Variants in GABRG3 observed in about 807,000 individuals in gnomAD.
GABRG3 encodes the protein gamma-aminobutyric acid type A receptor subunit gamma3, also known as gamma-aminobutyric acid receptor subunit gamma-3.
A neutral mutation model predicts 48.8 loss-of-function variants in GABRG3; 25 were observed. The ratio of observed to expected loss-of-function variants is 0.51; its 90% CI spans 0.37 to 0.72. GABRG3 has a LOEUF of 0.72. Among genes scored for constraint, GABRG3 ranks in the 30% least tolerant of loss-of-function variants. GABRG3 has a pLI of 0.00. For missense variants in GABRG3, 394 were observed against 577.9 expected (o/e 0.68, Z 3.26); for synonymous variants, 227 against 217.6 (o/e 1.04, Z -0.38).
At chr15:27,177,089 G>A (rs1349651963) in intron 3 of GABRG3, among the ~76,000 whole-genome samples, 1 of 152,104 alleles carries the variant, frequency 6.6e-6, no homozygotes, top group African/African-American at 2.4e-5. Context: ...AGGATAACTT[G>A]ATGTGCAGGG....
chr15:27,054,367 AAACATATCCAGGG>A (rs1896505779), intron 3 of GABRG3, among the ~76,000 whole-genome samples: 2 of 152,188 alleles, frequency 1.3e-5, no homozygotes, highest in South Asian at 4.1e-4. Context: ...CAGCATCACG[AAACATATCCAGGG>A]AACAAACCTG....
intron 3 of GABRG3, among the ~76,000 whole-genome samples, chr15:27,205,390 TCC>T (rs1888819530): frequency 6.6e-6 from 1 of 152,196 alleles, no homozygotes; most frequent in Non-Finnish European, 1.5e-5. Context: ...CAATGTTGCA[TCC>T]CAGGAATAAA....
chr15:27,484,807 T>G (rs1890181865), intron 6 of GABRG3, among the ~76,000 whole-genome samples: 1 of 152,092 alleles, frequency 6.6e-6, no homozygotes, highest in South Asian at 2.1e-4. Flanking sequence ...ATCACAATGG[T>G]CAAAGCTAAA....
intron 3 of GABRG3, among the ~76,000 whole-genome samples, chr15:27,178,280 GT>G (rs979333403): frequency 1.5e-4 from 23 of 152,360 alleles, no homozygotes; most frequent in African/African-American, 4.6e-4. Flanking sequence ...TGTCTGACTA[GT>G]TTTTGCAGTT....
chr15:27,484,159 C>G (rs1890165327), intron 6 of GABRG3, among the ~76,000 whole-genome samples: 1 of 152,200 alleles, frequency 6.6e-6, no homozygotes, highest in Admixed American at 6.5e-5. Flanking sequence ...TGGTCTCGAA[C>G]TCCTGACCTC....
At position 27,533,990 on chromosome 15, in the gene GABRG3, A is replaced by G. The variant is rs1057118454; in HGVS notation, c.*1109A>G. ...GTGGCTGGGACTACAGGTGTGCGCT[A>G]CCACACCCGGCTAATTTTTGTATTT... On this transcript the variant is annotated 3_prime_UTR_variant, in exon 10 of 10. Transcript: ENST00000615808. The G allele has an allele frequency of 3.9e-5, 6 of 152,012 alleles. No homozygotes were observed. Among genetic ancestry groups the G allele is most frequent in the African/African-American group, 1.5e-4 (6 of 41,368 alleles). 9.4% of individuals were successfully genotyped at this position (152,012 alleles called of 1,614,324 possible).
At chr15:27,393,276 G>A (rs899273274) in intron 5 of GABRG3, among the ~76,000 whole-genome samples, 5 of 151,454 alleles carry the variant, frequency 3.3e-5, no homozygotes, top group Middle Eastern at 3.4e-3. Context: ...CCCGGGAGGT[G>A]GAGCTTGCAG....
intron 3 of GABRG3, among the ~76,000 whole-genome samples, chr15:27,169,548 T>C (rs780139723): frequency 9.2e-5 from 14 of 152,080 alleles, no homozygotes; most frequent in Non-Finnish European, 1.6e-4. Context: ...GTGATGGGGA[T>C]GTGATCAAAA....
chr15:27,206,612 T>A (rs1888859621), intron 3 of GABRG3, among the ~76,000 whole-genome samples: 1 of 152,212 alleles, frequency 6.6e-6, no homozygotes, highest in Admixed American at 6.5e-5. Context: ...TCGTTAGTAT[T>A]CTGCCTTGAT....
At chr15:27,403,005 C>A (rs1041632140) in intron 5 of GABRG3, among the ~76,000 whole-genome samples, 1 of 151,924 alleles carries the variant, frequency 6.6e-6, no homozygotes, top group African/African-American at 2.4e-5. Context: ...AAGCAGTTAT[C>A]AATCAGACTG....
At chr15:27,455,378 A>G (rs55680645) in intron 5 of GABRG3, among the ~76,000 whole-genome samples, 89,575 of 146,242 alleles carry the variant, frequency 0.61, 26,937 homozygotes, top group East Asian at 0.97. Flanking sequence ...TGGTTCGTGT[A>G]TGGGGTGTAT....
chr15:27,102,711 A>G (rs1313554684), intron 3 of GABRG3, among the ~76,000 whole-genome samples: 1 of 152,216 alleles, frequency 6.6e-6, no homozygotes, highest in East Asian at 1.9e-4. Flanking sequence ...TTTCCACCAT[A>G]TAATTGTGAG....
intron 6 of GABRG3, among the ~76,000 whole-genome samples, chr15:27,496,608 TC>T (rs1890493885): frequency 6.6e-6 from 1 of 152,194 alleles, no homozygotes; most frequent in Non-Finnish European, 1.5e-5. Context: ...TATGATTATT[TC>T]ATATAAATAT....
intron 3 of GABRG3, among the ~76,000 whole-genome samples, chr15:27,197,232 A>C (rs1252826503): frequency 6.6e-6 from 1 of 152,198 alleles, no homozygotes; most frequent in African/African-American, 2.4e-5. Context: ...TCTGCATCAG[A>C]AGTCAAGGAG....
chr15:27,162,951 G>A (rs570752130), intron 3 of GABRG3, among the ~76,000 whole-genome samples: 13 of 152,032 alleles, frequency 8.6e-5, no homozygotes, highest in South Asian at 2.1e-4. Context: ...ACGTGATCAC[G>A]TGGAGGTTAC....
At position 27,533,089 on chromosome 15, in the gene GABRG3, A is replaced by G. The variant is rs1891468800; in HGVS notation, c.*208A>G. Reference sequence around the variant, plus strand: ...ACACATACATACACACACACAGCTAATTGAGTTTTAAAGTAATATTCTTGC... The same window carrying G: ...ACACATACATACACACACACAGCTAGTTGAGTTTTAAAGTAATATTCTTGC... On this transcript the variant is annotated 3_prime_UTR_variant, in exon 10 of 10. Transcript: ENST00000615808. 1 of 522,986 alleles carries G rather than the reference A, an allele frequency of 1.9e-6. No individual in the cohort carries two copies. The allele number at this position is 522,986 out of a possible 1,614,324, so 32.4% of individuals were successfully genotyped here.
At chr15:27,446,254 T>G (rs890273269) in intron 5 of GABRG3, among the ~76,000 whole-genome samples, 2 of 152,234 alleles carry the variant, frequency 1.3e-5, no homozygotes, top group Non-Finnish European at 2.9e-5. Context: ...CTTAACAATA[T>G]TAAATCTTCT....
chr15:27,263,879 T>G (rs1890836636), intron 3 of GABRG3, among the ~76,000 whole-genome samples: 1 of 148,778 alleles, frequency 6.7e-6, no homozygotes. Context: ...TGAGCCGAGA[T>G]CGCGCCACTG....
chr15:27,171,573 T>G (rs550268185), intron 3 of GABRG3, among the ~76,000 whole-genome samples: 1,824 of 149,960 alleles, frequency 0.012, 16 homozygotes, highest in African/African-American at 0.019. Context: ...TATATATATA[T>G]ATAGAGAGAG....
Sources: allele counts gnomAD v4.1 joint callset (sites outside exome capture counted in the v4.1 genomes callset), GRCh38; gene constraint gnomAD v4.1.1; transcripts MANE v1.5; gene names NCBI Gene and HGNC (gene_info 2026-07-23, HGNC 2026-07-21).